NTM: variants seen among roughly 807,000 people sequenced by gnomAD.
The protein encoded by NTM is IgLON family member 2.
A neutral mutation model predicts 42.1 loss-of-function variants in NTM; 13 were observed. That is an observed-to-expected ratio of 0.31 (90% CI 0.20 to 0.49). The LOEUF (loss-of-function observed/expected upper bound fraction) is 0.49. Ranked by LOEUF, NTM falls within the 20% of genes least tolerant of loss-of-function variation. The pLI, the probability that NTM is intolerant of heterozygous loss-of-function variation, is 0.99. For missense variants in NTM, 373 were observed against 452.8 expected (o/e 0.82, Z 1.60); for synonymous variants, 187 against 179.2 (o/e 1.04, Z -0.35).
intron 1 of NTM, among the ~76,000 whole-genome samples, chr11:131,823,696 C>G (rs995060485): frequency 2.0e-5 from 3 of 152,118 alleles, no homozygotes; most frequent in African/African-American, 7.2e-5. Context: ...GATAGTTATA[C>G]GTCTTCTAAT....
Position 131,916,388 on chromosome 11 carries a change from C to T in NTM, c.167+4740C>T, listed in dbSNP as rs114163333. Among the ~76,000 whole-genome samples the T allele has an allele frequency of 4.2e-3, 635 of 152,314 alleles. 2 individuals are homozygous for T. Among genetic ancestry groups the T allele is most frequent in the African/African-American group, 0.014 (585 of 41,568 alleles). On this transcript the variant is annotated intron_variant, in intron 2 of 8. Coordinates refer to ENST00000683400, the MANE Select transcript of NTM (RefSeq NM_001352005.2). ...GCATTCTTTCCTGGGGATCACTTGG[C>T]AGGTGGGTATCAGAGGCTGAACGCT...
At chr11:131,905,938 G>A (rs1592722602) in intron 1 of NTM, among the ~76,000 whole-genome samples, 1 of 152,146 alleles carries the variant, frequency 6.6e-6, no homozygotes, top group Non-Finnish European at 1.5e-5. Flanking sequence ...AGGCTAGGCA[G>A]ACCTCAGCTT....
chr11:131,612,734 C>T (rs1267040693), intron 1 of NTM, among the ~76,000 whole-genome samples: 1 of 152,214 alleles, frequency 6.6e-6, no homozygotes, highest in Non-Finnish European at 1.5e-5. Context: ...AAACTTAGCA[C>T]AGTGGAACAC....
chr11:132,214,506 A>T (rs2083455013), intron 4 of NTM, among the ~76,000 whole-genome samples: 1 of 151,878 alleles, frequency 6.6e-6, no homozygotes, highest in African/African-American at 2.4e-5. Flanking sequence ...TAACTTCCCG[A>T]TAAGTTATTT....
chr11:131,611,566 C>CAAGG (rs1323149595), intron 1 of NTM, among the ~76,000 whole-genome samples: 2 of 152,170 alleles, frequency 1.3e-5, no homozygotes, highest in African/African-American at 4.8e-5. Context: ...AGGAAAAGCA[C>CAAGG]AAGGAAGAAA....
At position 131,530,787 on chromosome 11, in the gene NTM, G is replaced by T. The variant is rs567918926; in HGVS notation, c.82+159899G>T. 3.3e-5 allele frequency among the ~76,000 whole-genome samples: 5 copies of T among 152,294 alleles called. No homozygotes were observed. The South Asian group carries it at 1.0e-3, about 32-fold the overall frequency. On this transcript the variant is annotated intron_variant, in intron 1 of 8. Transcript: ENST00000683400. ...TCCCTCCCCTCCTAAATGCTAAAGG[G>T]AGCAAATGAAAGAGTTAATGATTAG...
chr11:132,022,766 G>A (rs973180880), intron 2 of NTM, among the ~76,000 whole-genome samples: 11 of 152,244 alleles, frequency 7.2e-5, no homozygotes, highest in African/African-American at 2.7e-4. Flanking sequence ...ATCAAGTACA[G>A]CAGGAGGAAT....
intron 1 of NTM, among the ~76,000 whole-genome samples, chr11:131,508,401 A>T (rs1477080521): frequency 6.6e-6 from 1 of 150,588 alleles, no homozygotes; most frequent in Non-Finnish European, 1.5e-5. Context: ...GCTAAAGAGG[A>T]TGTGGAGAAA....
chr11:131,684,194 G>A (rs79574821), intron 1 of NTM, among the ~76,000 whole-genome samples: 2,496 of 152,226 alleles, frequency 0.016, 76 homozygotes, highest in African/African-American at 0.057. Context: ...CACGGGCCCC[G>A]GGGAGAGCAA....
At chr11:132,332,762 TG>T (rs1223552325) in intron 8 of NTM, 1 of 152,202 alleles carries the variant, frequency 6.6e-6, no homozygotes, top group Non-Finnish European at 1.5e-5. Flanking sequence ...TTCCCTTACA[TG>T]GTAACTACGC....
chr11:132,323,916 G>T, intron 7 of NTM, among the ~76,000 whole-genome samples: 1 of 147,514 alleles, frequency 6.8e-6, no homozygotes, highest in African/African-American at 2.5e-5. Context: ...CAGAGCCAAA[G>T]ACAAAAACCA....
chr11:131,896,201 A>G (rs1354992373), intron 1 of NTM, among the ~76,000 whole-genome samples: 1 of 152,212 alleles, frequency 6.6e-6, no homozygotes, highest in East Asian at 1.9e-4. Context: ...AAAATCATTG[A>G]AAATATTTTA....
chr11:131,801,905 A>C (rs950935512), intron 1 of NTM, among the ~76,000 whole-genome samples: 2 of 152,088 alleles, frequency 1.3e-5, no homozygotes, highest in African/African-American at 4.8e-5. Flanking sequence ...TGTGCCACCC[A>C]CACAGACCTG....
intron 1 of NTM, among the ~76,000 whole-genome samples, chr11:131,866,068 C>A (rs112661982): frequency 1.3e-5 from 2 of 148,618 alleles, no homozygotes; most frequent in South Asian, 2.1e-4. Context: ...CACACACACC[C>A]CACACACTCT....
At chr11:131,715,401 G>T (rs1005968565) in intron 1 of NTM, among the ~76,000 whole-genome samples, 2 of 152,146 alleles carry the variant, frequency 1.3e-5, no homozygotes, top group Non-Finnish European at 2.9e-5. Context: ...GAAGAATTTT[G>T]TTTAGCATTT....
intron 1 of NTM, among the ~76,000 whole-genome samples, chr11:131,541,270 G>A (rs1357646855): frequency 2.6e-5 from 4 of 152,124 alleles, no homozygotes; most frequent in Non-Finnish European, 4.4e-5. Context: ...GCCTCATCCC[G>A]AACCCAGCAC....
intron 2 of NTM, among the ~76,000 whole-genome samples, chr11:131,951,867 C>T (rs980679792): frequency 6.6e-6 from 1 of 150,652 alleles, no homozygotes; most frequent in Non-Finnish European, 1.5e-5. Context: ...CCACTACTCC[C>T]ACCTCATAGG....
chr11:131,915,341 G>C (rs534746634), intron 2 of NTM, among the ~76,000 whole-genome samples: 1 of 152,272 alleles, frequency 6.6e-6, no homozygotes, highest in East Asian at 1.9e-4. Context: ...CTTAGACCCT[G>C]TTTTCCAGTG....
chr11:131,980,600 T>A (rs2065074479), intron 2 of NTM, among the ~76,000 whole-genome samples: 1 of 152,204 alleles, frequency 6.6e-6, no homozygotes. Context: ...TTCACCACAC[T>A]TTCAAAAACA....
Sources: allele counts gnomAD v4.1 joint callset (sites outside exome capture counted in the v4.1 genomes callset), GRCh38; gene constraint gnomAD v4.1.1; transcripts MANE v1.5; gene names NCBI Gene and HGNC (gene_info 2026-07-23, HGNC 2026-07-21).